The following STMND1 variants were observed in gnomAD, a reference collection of about 807,000 sequenced individuals.
The protein encoded by STMND1 is stathmin domain-containing protein 1.
STMND1 carries 17 observed loss-of-function variants against 23.0 expected under a neutral mutation model. The ratio of observed to expected loss-of-function variants is 0.74; its 90% CI spans 0.51 to 1.11. The LOEUF (loss-of-function observed/expected upper bound fraction) is 1.11, where lower values mean the gene tolerates loss of function less well. STMND1 is among the 50% of genes least tolerant of loss of function. STMND1 has a pLI of 0.00. For missense variants in STMND1, 305 were observed against 329.1 expected, an observed-to-expected ratio of 0.93 and a Z score of 0.57; for synonymous variants, 114 against 119.9, an observed-to-expected ratio of 0.95 and a Z score of 0.32.
intron 3 of STMND1, among the ~76,000 whole-genome samples, chr6:17,124,046 T>C (rs1335121277): frequency 2.6e-5 from 4 of 152,148 alleles, no homozygotes; most frequent in Admixed American, 2.0e-4. Flanking sequence ...ATCTAATGTT[T>C]AATAAGTTTT....
chr6:17,114,850 A>C (rs188111011), intron 1 of STMND1, 112 bp from the exon 2 acceptor site: 3 of 1,181,880 alleles, frequency 2.5e-6, no homozygotes, highest in African/African-American at 1.6e-5. Context: ...TCTGGTTACT[A>C]TACAGCCCAC....
intron 4 of STMND1, among the ~76,000 whole-genome samples, chr6:17,129,660 C>T (rs371682332): frequency 6.6e-6 from 1 of 151,952 alleles, no homozygotes; most frequent in Non-Finnish European, 1.5e-5. Flanking sequence ...CTGGCTAACA[C>T]GGTGAAACCC....
chr6:17,115,040 A>G lies in STMND1; in HGVS notation c.160A>G (p.Ile54Val), dbSNP rs1363387842. Residue 54 changes from isoleucine (I) to valine (V), a missense_variant, in exon 2 of 5, where the codon ATT (isoleucine) becomes GTT (valine). Transcript: ENST00000536551. ...EAALTKNTVD[I>V]AEGLEQVQMG... The stretch of plus-strand genomic sequence containing the variant: ...TGCTCTGACCAAGAATACTGTGGAC[A>G]TTGCAGAAGGCCTGGAACAAGTCCA... The G allele has an allele frequency of 5.1e-5, 79 of 1,535,918 alleles. No individual in the cohort carries two copies. Among genetic ancestry groups the G allele is most frequent in the Non-Finnish European group, 6.8e-5 (78 of 1,146,860 alleles).
intron 2 of STMND1, among the ~76,000 whole-genome samples, chr6:17,118,247 C>T (rs894841177): frequency 7.9e-5 from 12 of 151,982 alleles, no homozygotes; most frequent in Admixed American, 7.9e-4. Flanking sequence ...TGAAGAGTTT[C>T]CAATGACATC....
At chr6:17,128,943 G>A in intron 3 of STMND1, 169 bp from the exon 4 acceptor site, 1 of 520,140 alleles carries the variant, frequency 1.9e-6, no homozygotes, top group African/African-American at 2.0e-5. Context: ...AAACTCCGGA[G>A]CTCAAGCAGT....
chr6:17,120,732 A>G lies in STMND1; in HGVS notation c.385A>G (p.Arg129Gly). The change falls in exon 3 of 5, where the codon AGA (arginine) becomes GGA (glycine). Residue 129 changes from arginine (R) to glycine (G), a missense_variant. Arg to Gly is a moderately radical substitution (Grantham distance 125). Transcript: ENST00000536551. Reference protein sequence around the residue: ...GIIQSHSKVFRNGESYDVTLT... With the variant: ...GIIQSHSKVFGNGESYDVTLT... ...TATACAAAGCCACAGCAAAGTATTT[A>G]GAAATGGAGAATCATATGATGTCAC... is the stretch of plus-strand genomic sequence containing the variant. The G allele has an allele frequency of 6.5e-7, 1 of 1,530,864 alleles. No individual in the cohort carries two copies. The highest frequency in any genetic ancestry group is 8.7e-7 in the Non-Finnish European group (1 of 1,145,554). The allele number at this position is 1,530,864 out of a possible 1,614,324, so 94.8% of individuals were successfully genotyped here.
chr6:17,110,540 T>G (rs1561922323), intron 1 of STMND1: 6 of 267,734 alleles, frequency 2.2e-5, no homozygotes, highest in Non-Finnish European at 3.7e-5. Flanking sequence ...GAGGCCGAGG[T>G]GGGCAGATCA....
chr6:17,108,664 G>A (rs1180356241), intron 1 of STMND1, among the ~76,000 whole-genome samples: 1 of 151,668 alleles, frequency 6.6e-6, no homozygotes, highest in South Asian at 2.1e-4. Flanking sequence ...GTGAGCATCA[G>A]ATAGGGTCTC....
At chr6:17,128,743 C>T (rs561286864) in intron 3 of STMND1, 31 of 155,996 alleles carry the variant, frequency 2.0e-4, no homozygotes, top group Admixed American at 1.2e-3. Context: ...GACAGGGTCT[C>T]GCTCTGTTGC....
chr6:17,108,433 A>C (rs1490489853), intron 1 of STMND1, among the ~76,000 whole-genome samples: 1 of 152,216 alleles, frequency 6.6e-6, no homozygotes, highest in Non-Finnish European at 1.5e-5. Flanking sequence ...GTCTTTCAAG[A>C]GTCTCCACTT....
intron 3 of STMND1, among the ~76,000 whole-genome samples, chr6:17,121,522 A>G (rs1761233205): frequency 6.6e-6 from 1 of 152,210 alleles, no homozygotes; most frequent in South Asian, 2.1e-4. Context: ...GTTTGAGGTG[A>G]TGGATATGCT....
chr6:17,118,337 A>ATTTTGT (rs1761187226), intron 2 of STMND1, among the ~76,000 whole-genome samples: 1 of 152,154 alleles, frequency 6.6e-6, no homozygotes. Context: ...TAAAAATAAA[A>ATTTTGT]TTTTGTATAT....
intron 1 of STMND1, chr6:17,110,819 G>GGA (rs1761088176): frequency 4.4e-6 from 2 of 455,964 alleles, no homozygotes; most frequent in East Asian, 1.4e-4. Flanking sequence ...ATTACCGAGT[G>GGA]GAAGATGCAC....
At chr6:17,105,477 C>T (rs1269231904) in intron 1 of STMND1, among the ~76,000 whole-genome samples, 1 of 151,978 alleles carries the variant, frequency 6.6e-6, no homozygotes, top group Non-Finnish European at 1.5e-5. Flanking sequence ...GAAACCCTGT[C>T]TCTACTAAAA....
Position 17,102,227 on chromosome 6 carries a change from A to G in STMND1, c.-31A>G. ...CGCTCGCGGGGGCGCACAGCAGCCA[A>G]GCCCGCGGAGGAGGAGCGCGCGCGC... On this transcript the variant is annotated 5_prime_UTR_variant, in exon 1 of 5. Transcript: ENST00000536551. 1 of 1,515,318 alleles carries G rather than the reference A, an allele frequency of 6.6e-7. No homozygotes were observed. Among genetic ancestry groups the G allele is most frequent in the Non-Finnish European group, 8.8e-7 (1 of 1,138,342 alleles). The allele number at this position is 1,515,318 out of a possible 1,614,324, so 93.9% of individuals were successfully genotyped here.
At chr6:17,129,288 G>C in intron 4 of STMND1, 45 bp downstream of exon 4, 1 of 1,523,208 alleles carries the variant, frequency 6.6e-7, no homozygotes, top group Non-Finnish European at 8.8e-7. Context: ...TTCGCTGTCT[G>C]TTAAAATGAT....
chr6:17,114,124 A>G (rs934980848), intron 1 of STMND1, among the ~76,000 whole-genome samples: 2 of 152,190 alleles, frequency 1.3e-5, no homozygotes, highest in African/African-American at 4.8e-5. Context: ...TATTATTATT[A>G]CATTGTAATA....
intron 1 of STMND1, among the ~76,000 whole-genome samples, chr6:17,107,845 A>G (rs1035516322): frequency 9.9e-5 from 15 of 152,196 alleles, no homozygotes; most frequent in Non-Finnish European, 1.9e-4. Context: ...TGAAAATATA[A>G]ATTCTTCATG....
intron 4 of STMND1, among the ~76,000 whole-genome samples, chr6:17,129,472 A>T (rs548139616): frequency 6.6e-6 from 1 of 151,924 alleles, no homozygotes; most frequent in Non-Finnish European, 1.5e-5. Context: ...TTTGGGCTCA[A>T]GCGGTCCCCC....
Sources: allele counts gnomAD v4.1 joint callset (sites outside exome capture counted in the v4.1 genomes callset), GRCh38; gene constraint gnomAD v4.1.1; transcripts MANE v1.5; gene names NCBI Gene and HGNC (gene_info 2026-07-23, HGNC 2026-07-21).